Variants in CEP126 observed in about 807,000 individuals in gnomAD.
CEP126 encodes centrosomal protein 126.
Under a neutral mutation model 107.8 loss-of-function variants are expected in CEP126, and 74 were observed. The ratio of observed to expected loss-of-function variants is 0.69; its 90% confidence interval spans 0.57 to 0.83. The LOEUF (loss-of-function observed/expected upper bound fraction) is 0.83, where lower values mean the gene tolerates loss of function less well. Ranked by LOEUF, CEP126 falls within the 40% of genes least tolerant of loss-of-function variation. The pLI is 0.00. For synonymous variants in CEP126, 449 were observed against 446.0 expected (o/e 1.01, Z -0.08); for missense variants, 1,237 against 1,281.9 (o/e 0.96, Z 0.53).
At chr11:101,937,410 T>C (rs374345654) in intron 2 of CEP126, among the ~76,000 whole-genome samples, 140 of 152,364 alleles carry the variant, frequency 9.2e-4, no homozygotes, top group African/African-American at 3.1e-3. Flanking sequence ...AATACCTGTA[T>C]CAGCTGGCAG....
intron 8 of CEP126, 105 bp from the exon 9 acceptor site, chr11:101,986,727 A>T: frequency 1.4e-6 from 1 of 739,080 alleles, no homozygotes; most frequent in Non-Finnish European, 2.3e-6. Context: ...TTGTAATATG[A>T]ATACATACAG....
At chr11:101,921,985 G>A (rs866256103) in intron 1 of CEP126, among the ~76,000 whole-genome samples, 7 of 150,946 alleles carry the variant, frequency 4.6e-5, no homozygotes, top group East Asian at 2.0e-4. Context: ...AGGTTTCACC[G>A]TGTTGGCCAG....
chr11:101,930,519 G>C (rs1940481821), intron 2 of CEP126, among the ~76,000 whole-genome samples: 1 of 152,176 alleles, frequency 6.6e-6, no homozygotes, highest in South Asian at 2.1e-4. Context: ...AGAGTGACCA[G>C]CAGCAAGATT....
chr11:101,928,069 G>A (rs569498172), intron 2 of CEP126, among the ~76,000 whole-genome samples: 1 of 152,156 alleles, frequency 6.6e-6, no homozygotes, highest in Non-Finnish European at 1.5e-5. Context: ...ATTCTGATAG[G>A]TATGCAGTAA....
chr11:101,942,318 G>A (rs926801143), intron 2 of CEP126, among the ~76,000 whole-genome samples: 2 of 152,000 alleles, frequency 1.3e-5, no homozygotes, highest in African/African-American at 4.8e-5. Context: ...TAAGGTAAGA[G>A]TCCAACTATA....
At chr11:101,950,379 T>A (rs1940795080) in intron 4 of CEP126, among the ~76,000 whole-genome samples, 1 of 152,126 alleles carries the variant, frequency 6.6e-6, no homozygotes, top group African/African-American at 2.4e-5. Flanking sequence ...AATATTAAAG[T>A]GATGAGCAAC....
intron 2 of CEP126, among the ~76,000 whole-genome samples, chr11:101,943,503 CTTTTT>C (rs397705130): frequency 7.1e-6 from 1 of 141,236 alleles, no homozygotes; most frequent in Admixed American, 7.1e-5. Context: ...CTTGCCTTTT[CTTTTT>C]TTTTTTTTCA....
intron 1 of CEP126, among the ~76,000 whole-genome samples, chr11:101,920,029 T>C (rs1423777764): frequency 6.6e-6 from 1 of 152,242 alleles, no homozygotes; most frequent in African/African-American, 2.4e-5. Context: ...CCCTTTTGGT[T>C]TGATTTTTAT....
chr11:101,989,332 G>T (rs1461561805), intron 9 of CEP126, among the ~76,000 whole-genome samples: 5 of 151,852 alleles, frequency 3.3e-5, no homozygotes, highest in Admixed American at 3.3e-4. Context: ...TTTTTATTGT[G>T]GGGGACTGTC....
At chr11:101,955,483 C>A (rs1257467699) in intron 4 of CEP126, among the ~76,000 whole-genome samples, 2 of 152,118 alleles carry the variant, frequency 1.3e-5, no homozygotes, top group African/African-American at 2.4e-5. Context: ...CCTCTATTTG[C>A]CCTTTGAACT....
At chr11:101,977,470 A>G (rs1011734894) in intron 6 of CEP126, among the ~76,000 whole-genome samples, 3 of 151,876 alleles carry the variant, frequency 2.0e-5, no homozygotes, top group African/African-American at 7.3e-5. Context: ...GTCTCTACTA[A>G]AAATACAAAA....
At chr11:101,981,316 C>T (rs553693275) in intron 7 of CEP126, among the ~76,000 whole-genome samples, 2 of 152,148 alleles carry the variant, frequency 1.3e-5, no homozygotes, top group East Asian at 3.9e-4. Flanking sequence ...ATTTTTGAGA[C>T]AGAGTCTCGC....
intron 4 of CEP126, chr11:101,956,874 A>G: frequency 5.4e-6 from 2 of 372,346 alleles, no homozygotes; most frequent in South Asian, 4.2e-5. Flanking sequence ...AAAGTAGAGA[A>G]GAGAAGAGAA....
At chr11:101,915,673 A>G (rs1193110056) in intron 1 of CEP126, among the ~76,000 whole-genome samples, 1 of 152,202 alleles carries the variant, frequency 6.6e-6, no homozygotes, top group Non-Finnish European at 1.5e-5. Context: ...GTGAATTTTA[A>G]AACACATCAA....
intron 2 of CEP126, among the ~76,000 whole-genome samples, chr11:101,924,515 G>T (rs1266254305): frequency 6.6e-6 from 1 of 151,982 alleles, no homozygotes; most frequent in Non-Finnish European, 1.5e-5. Flanking sequence ...ACTCAGGCTG[G>T]AGTACAGGGG....
rs1291321171 is a variant in CEP126, at chr11:101,958,385, G to C, written c.705+19G>C. 38 of 1,597,432 alleles carry C rather than the reference G, an allele frequency of 2.4e-5. No homozygotes were observed. The highest frequency in any genetic ancestry group is 3.3e-5 in the Non-Finnish European group (38 of 1,167,270). On this transcript the variant is annotated intron_variant, in intron 5 of 10. Coordinates refer to ENST00000263468, the MANE Select transcript of CEP126 (RefSeq NM_020802.4). ...TTTGCAAGTATGAAACTATAAAAAT[G>C]TTGTTAATATTTTAATTCCTTGCAC... is the stretch of plus-strand genomic sequence containing the variant.
intron 5 of CEP126, among the ~76,000 whole-genome samples, chr11:101,960,069 G>T (rs2137110084): frequency 6.6e-6 from 1 of 152,242 alleles, no homozygotes; most frequent in South Asian, 2.1e-4. Context: ...AAGGATAAGT[G>T]TATGCACACA....
At chr11:101,937,556 T>G (rs1211604635) in intron 2 of CEP126, among the ~76,000 whole-genome samples, 1 of 152,228 alleles carries the variant, frequency 6.6e-6, no homozygotes, top group Non-Finnish European at 1.5e-5. Flanking sequence ...GATTTTTGTG[T>G]AATGTTGATG....
At position 101,992,846 on chromosome 11, in the gene CEP126, A is replaced by G. The variant is rs1565371653; in HGVS notation, c.3309+4A>G. On this transcript the variant is annotated splice_donor_region_variant and intron_variant, in intron 10 of 10. Transcript: ENST00000263468. ...TTTACAAATAATACCACTTCTGGTA[A>G]GTATTTGAAGAAGCTCTTTTTTTCT... The G allele has an allele frequency of 1.3e-6, 2 of 1,522,524 alleles. No homozygotes were observed. Among genetic ancestry groups the G allele is most frequent in the Non-Finnish European group, 1.8e-6 (2 of 1,141,432 alleles). 94.3% of individuals were successfully genotyped at this position (1,522,524 alleles called of 1,614,324 possible).
Sources: allele counts gnomAD v4.1 joint callset (sites outside exome capture counted in the v4.1 genomes callset), GRCh38; gene constraint gnomAD v4.1.1; transcripts MANE v1.5; gene names NCBI Gene and HGNC (gene_info 2026-07-23, HGNC 2026-07-21).